Variants in PMS1 observed in about 807,000 individuals in gnomAD.
The protein encoded by PMS1 is PMS1 homolog 1, mismatch repair system component.
Under a neutral mutation model 93.1 loss-of-function variants are expected in PMS1, and 79 were observed. The observed-to-expected ratio is 0.85, with a 90% CI of 0.71 to 1.02. PMS1 has a LOEUF of 1.02. PMS1 is among the 50% of genes least tolerant of loss of function. PMS1 has a pLI of 0.00. For synonymous variants in PMS1, 335 were observed against 363.4 expected (o/e 0.92, Z 0.89); for missense variants, 1,064 against 1,085.3 (o/e 0.98, Z 0.28).
chr2:189,822,262 A>G (rs2051985859), intron 5 of PMS1, among the ~76,000 whole-genome samples: 1 of 152,160 alleles, frequency 6.6e-6, no homozygotes, highest in African/African-American at 2.4e-5. Flanking sequence ...AGGAGCACCG[A>G]CTGCGGGGCC....
At chr2:189,871,003 A>G (rs1035993312) in intron 11 of PMS1, among the ~76,000 whole-genome samples, 5 of 152,200 alleles carry the variant, frequency 3.3e-5, no homozygotes, top group African/African-American at 1.2e-4. Context: ...TATTTGGCTC[A>G]TGGTTCTGCA....
chr2:189,859,256 C>T (rs1433559807), intron 9 of PMS1, among the ~76,000 whole-genome samples: 1 of 152,156 alleles, frequency 6.6e-6, no homozygotes, highest in Non-Finnish European at 1.5e-5. Context: ...ACTTGGCACA[C>T]TTTAACTCAT....
intron 1 of PMS1, among the ~76,000 whole-genome samples, chr2:189,790,560 G>T (rs72905315): frequency 6.6e-6 from 1 of 152,304 alleles, no homozygotes; most frequent in Non-Finnish European, 1.5e-5. Context: ...CCTGGGCCCA[G>T]TTACTTACTC....
At chr2:189,876,507 T>C (rs2057579217) in intron 12 of PMS1, among the ~76,000 whole-genome samples, 1 of 152,234 alleles carries the variant, frequency 6.6e-6, no homozygotes, top group African/African-American at 2.4e-5. Flanking sequence ...CCTCTTTTTT[T>C]TAACAACTAT....
intron 12 of PMS1, among the ~76,000 whole-genome samples, chr2:189,875,174 G>A (rs1575413051): frequency 6.6e-6 from 1 of 150,796 alleles, no homozygotes; most frequent in Admixed American, 6.7e-5. Context: ...AGAATAAGTA[G>A]TATCATGTTC....
At chr2:189,789,924 C>T (rs1269733682) in intron 1 of PMS1, among the ~76,000 whole-genome samples, 1 of 152,102 alleles carries the variant, frequency 6.6e-6, no homozygotes, top group Non-Finnish European at 1.5e-5. Context: ...AAAGCACCCC[C>T]CTCCCTGCAT....
At chr2:189,799,055 T>C (rs1456704317) in intron 3 of PMS1, among the ~76,000 whole-genome samples, 1 of 152,218 alleles carries the variant, frequency 6.6e-6, no homozygotes, top group Non-Finnish European at 1.5e-5. Context: ...TCTATCTTGT[T>C]TCCTTATTTG....
chr2:189,828,013 T>C (rs1365215282), intron 5 of PMS1, among the ~76,000 whole-genome samples: 1 of 150,766 alleles, frequency 6.6e-6, no homozygotes, highest in Non-Finnish European at 1.5e-5. Context: ...AAGCTCCGCC[T>C]CCCGGGTTCA....
intron 5 of PMS1, among the ~76,000 whole-genome samples, chr2:189,829,540 G>A (rs5743061): frequency 1.3e-5 from 2 of 151,862 alleles, no homozygotes; most frequent in Non-Finnish European, 2.9e-5. Context: ...CAGTTCTCTT[G>A]GTCCTTTCTC....
chr2:189,826,693 C>T (rs1365746955), intron 5 of PMS1, among the ~76,000 whole-genome samples: 3 of 152,082 alleles, frequency 2.0e-5, no homozygotes, highest in African/African-American at 4.8e-5. Context: ...TTGTTTTCCA[C>T]GTATTTCTGT....
rs536623065 is a variant in PMS1, at chr2:189,790,464, G to A, written c.-20-1326G>A. On this transcript the variant is annotated intron_variant, in intron 1 of 12. Transcript: ENST00000441310. ...TTGATTCCAGTATCTGTGAGCTTTC[G>A]GTGATCTACTGTAATGAGTTTGGAC... 7.2e-5 allele frequency among the ~76,000 whole-genome samples: 11 copies of A among 152,082 alleles called. 1 individual carries two copies. The East Asian group carries it at 1.5e-3, about 21-fold the overall frequency.
At chr2:189,824,224 A>T (rs1425715097) in intron 5 of PMS1, among the ~76,000 whole-genome samples, 1 of 152,088 alleles carries the variant, frequency 6.6e-6, no homozygotes, top group African/African-American at 2.4e-5. Context: ...TCTGAGTAAC[A>T]GGTTTTTCAA....
chr2:189,842,151 A>G (rs1481169164), intron 5 of PMS1, among the ~76,000 whole-genome samples: 1 of 151,232 alleles, frequency 6.6e-6, no homozygotes, highest in Non-Finnish European at 1.5e-5. Context: ...CTGTTCTCAC[A>G]CTCTTGATTG....
intron 9 of PMS1, 114 bp from the exon 10 acceptor site, chr2:189,863,629 C>T: frequency 2.6e-6 from 2 of 776,278 alleles, no homozygotes; most frequent in South Asian, 3.4e-5. Flanking sequence ...ATACATGTTC[C>T]TTTGTCATTA....
At chr2:189,844,593 G>A (rs1318117372) in intron 6 of PMS1, among the ~76,000 whole-genome samples, 2 of 142,736 alleles carry the variant, frequency 1.4e-5, no homozygotes, top group Non-Finnish European at 3.0e-5. Flanking sequence ...GCAGTGAGCC[G>A]AGATTGCACC....
chr2:189,861,489 C>T (rs2055991021), intron 9 of PMS1, among the ~76,000 whole-genome samples: 2 of 151,802 alleles, frequency 1.3e-5, no homozygotes, highest in Non-Finnish European at 2.9e-5. Flanking sequence ...GTGGCTCATG[C>T]CTGTAATCCC....
chr2:189,800,960 T>C (rs757573578), intron 3 of PMS1, among the ~76,000 whole-genome samples: 4 of 152,250 alleles, frequency 2.6e-5, no homozygotes, highest in Non-Finnish European at 4.4e-5. Flanking sequence ...TTGTCAATTA[T>C]AAAATAACTT....
At chr2:189,840,772 A>G (rs1326202294) in intron 5 of PMS1, among the ~76,000 whole-genome samples, 1 of 152,232 alleles carries the variant, frequency 6.6e-6, no homozygotes, top group Non-Finnish European at 1.5e-5. Context: ...AGACTTTAGG[A>G]TGCTAGAATA....
At chr2:189,859,847 C>G (rs2055759371) in intron 9 of PMS1, among the ~76,000 whole-genome samples, 2 of 151,964 alleles carry the variant, frequency 1.3e-5, no homozygotes, top group Admixed American at 6.6e-5. Flanking sequence ...ATTAGCTAAT[C>G]ACATACTTTC....
Sources: allele counts gnomAD v4.1 joint callset (sites outside exome capture counted in the v4.1 genomes callset), GRCh38; gene constraint gnomAD v4.1.1; transcripts MANE v1.5; gene names NCBI Gene and HGNC (gene_info 2026-07-23, HGNC 2026-07-21).